NUTM2F: variants seen among roughly 807,000 people sequenced by gnomAD.
NUTM2F encodes family with sequence similarity 22, member F.
A neutral mutation model predicts 43.3 loss-of-function variants in NUTM2F; 22 were observed. That is an observed-to-expected ratio of 0.51 (90% CI 0.36 to 0.73). The LOEUF (loss-of-function observed/expected upper bound fraction) is 0.73, where lower values mean the gene tolerates loss of function less well. NUTM2F is among the 30% of genes least tolerant of loss of function. The pLI is 0.00. For synonymous variants in NUTM2F, 202 were observed against 389.0 expected (o/e 0.52, Z 5.66); for missense variants, 488 against 927.4 (o/e 0.53, Z 6.15).
intron 1 of NUTM2F, 114 bp downstream of exon 1, chr9:94,328,494 G>A: frequency 6.4e-7 from 1 of 1,562,586 alleles, no homozygotes; most frequent in Non-Finnish European, 8.8e-7. Context: ...GACATCCAGT[G>A]CTCCCTCCCT....
At position 94,321,000 on chromosome 9, in the gene NUTM2F, C is replaced by T. The variant is rs1472740987; in HGVS notation, c.982+93G>A. Reference sequence around the variant, plus strand: ...GTCCTGTTGGAGGGAGCAAATCCCCCTCTTGAAGGGAAGCATGGGGTGTGG... The same window carrying T: ...GTCCTGTTGGAGGGAGCAAATCCCCTTCTTGAAGGGAAGCATGGGGTGTGG... On this transcript the variant is annotated intron_variant, in intron 4 of 6. Transcript: ENST00000253262. This position sits in a 1 kb window ranked among gnomAD's most constrained non-coding sequence, Gnocchi z 4.5. The T allele has an allele frequency of 8.0e-5, 118 of 1,483,562 alleles. No homozygotes were observed. The East Asian group carries it at 2.8e-3, about 36-fold the overall frequency. The allele number at this position is 1,483,562 out of a possible 1,614,324, so 91.9% of individuals were successfully genotyped here. A position where few individuals can be genotyped will look rare whatever the true frequency, so the allele number is the denominator to read the frequency against.
At chr9:94,324,926 G>GTGA (rs1246415092) in intron 2 of NUTM2F, among the ~76,000 whole-genome samples, 1 of 145,642 alleles carries the variant, frequency 6.9e-6, no homozygotes, top group East Asian at 2.0e-4. Flanking sequence ...GGCGGAGGTT[G>GTGA]TGATGAGCTG....
In NUTM2F at chr9:94,321,216, C is replaced by A. The variant is rs1831361705; in HGVS notation, c.859G>T (p.Ala287Ser). 2 of 1,579,704 alleles carry A rather than the reference C, an allele frequency of 1.3e-6. No homozygotes were observed. The highest frequency in any genetic ancestry group is 1.1e-5 in the South Asian group (1 of 87,846). ...TTCTGAATCTGCATCTCCTCCTCAG[C>A]CTCAAATTCCAGGAACCTGTGGGTG... ...EMAEKFLEFE[A>S]EEEMQIQKSQ... Residue 287 changes from alanine to serine, a missense_variant, in exon 4 of 7, where the codon GCT becomes TCT. By Grantham distance (99) the Ala-to-Ser change is moderately conservative. Transcript: ENST00000253262.
Position 94,319,560 on chromosome 9 carries a change from C to T in NUTM2F, c.1485+53G>A, listed in dbSNP as rs139219303. 1,776 of 1,610,284 alleles carry T rather than the reference C, an allele frequency of 1.1e-3. 1 individual carries two copies. The highest frequency in any genetic ancestry group is 2.3e-3 in the African/African-American group (173 of 74,908). On this transcript the variant is annotated intron_variant, in intron 6 of 6. Transcript: ENST00000253262. Reference sequence around the variant, plus strand: ...AGACAATCGGGTGGGCCTTGTGTGCCGGGTCCCTCCTGCCCCTGGAGTACC... The same window carrying T: ...AGACAATCGGGTGGGCCTTGTGTGCTGGGTCCCTCCTGCCCCTGGAGTACC...
At chr9:94,323,639 T>C (rs1188455474) in intron 2 of NUTM2F, among the ~76,000 whole-genome samples, 4 of 152,198 alleles carry the variant, frequency 2.6e-5, no homozygotes, top group Admixed American at 1.3e-4. Flanking sequence ...TGTCATGTAA[T>C]GTGTCATAGT....
chr9:94,323,906 C>A (rs141228155), intron 2 of NUTM2F, among the ~76,000 whole-genome samples: 1 of 152,158 alleles, frequency 6.6e-6, no homozygotes. Flanking sequence ...CTCCTCCCCC[C>A]AGCCCCATGT....
intron 1 of NUTM2F, 137 bp from the exon 2 acceptor site, chr9:94,326,071 A>C: frequency 1.3e-6 from 1 of 771,204 alleles, no homozygotes; most frequent in Non-Finnish European, 2.1e-6. Flanking sequence ...CTGAGTGTGC[A>C]TCAGATGCTC....
chr9:94,321,095 G>A lies in NUTM2F; in HGVS notation c.980C>T (p.Pro327Leu). The change falls in exon 4 of 7, where the codon CCA becomes CTA. Residue 327 changes from proline (P) to leucine (L), a missense_variant and splice_region_variant. Transcript: ENST00000253262. Reference protein sequence around the residue: ...GPPAPEVVKQPVYLPSKDGPK... With the variant: ...GPPAPEVVKQLVYLPSKDGPK... ...TGTGGGAATGTGGGAAGCTGTACCT[G>A]GCTGCTTGACCACCTCAGGGGCAGG... 6.5e-7 allele frequency: 1 copy of A among 1,547,216 alleles called. No homozygotes were observed. Among genetic ancestry groups the A allele is most frequent in the Non-Finnish European group, 8.7e-7 (1 of 1,153,720 alleles).
rs908703565 is a variant in NUTM2F, at chr9:94,320,868, A to G, written c.982+225T>C. On this transcript the variant is annotated intron_variant, in intron 4 of 6. Coordinates refer to ENST00000253262, the MANE Select transcript of NUTM2F (RefSeq NM_017561.2). The surrounding 1 kb of genome is among the most constrained non-coding windows in gnomAD (Gnocchi z 4.5). ...TGGAGTTTTGGACAGGCAAGGGGAG[A>G]GAGAAAGTAGGAAACTTGGCCCGGT... is the stretch of plus-strand genomic sequence containing the variant. 2.0e-5 allele frequency among the ~76,000 whole-genome samples: 3 copies of G among 152,072 alleles called. No homozygotes were observed. The highest frequency in any genetic ancestry group is 4.4e-5 in the Non-Finnish European group (3 of 68,006).
chr9:94,320,216 C>T lies in NUTM2F; in HGVS notation c.1360G>A (p.Val454Ile). Residue 454 changes from valine to isoleucine, a missense_variant, in exon 5 of 7, where the codon GTC becomes ATC. Transcript: ENST00000253262. This position sits in a 1 kb window ranked among gnomAD's most constrained non-coding sequence, Gnocchi z 4.5. ...ACTCCAGGCAAGCCCACCTTGGTGA[C>T]AAAGTCTTCCTGGGAACACAGCTTG... ...IDKLCSQEDF[V>I]TKVEAVIHPR... 6.2e-7 allele frequency: 1 copy of T among 1,613,608 alleles called. No individual in the cohort carries two copies. Among genetic ancestry groups the T allele is most frequent in the Non-Finnish European group, 8.5e-7 (1 of 1,179,822 alleles).
chr9:94,324,250 AC>A (rs1435811452), intron 2 of NUTM2F, among the ~76,000 whole-genome samples: 1 of 151,930 alleles, frequency 6.6e-6, no homozygotes, highest in East Asian at 1.9e-4. Flanking sequence ...AGCCTGGGTG[AC>A]AGTGCGAGAC....
intron 1 of NUTM2F, among the ~76,000 whole-genome samples, chr9:94,327,932 G>A (rs1462659590): frequency 1.4e-5 from 2 of 147,380 alleles, no homozygotes; most frequent in East Asian, 2.0e-4. Flanking sequence ...AACAACTCAG[G>A]AAACCCAGGC....
chr9:94,322,456 C>T, intron 2 of NUTM2F, 127 bp from the exon 3 acceptor site: 1 of 1,439,658 alleles, frequency 6.9e-7, no homozygotes, highest in Non-Finnish European at 9.5e-7. Flanking sequence ...TGTTCTCCCC[C>T]ATGTGGGCTC....
At chr9:94,327,212 TCC>T (rs1831462315) in intron 1 of NUTM2F, among the ~76,000 whole-genome samples, 1 of 150,524 alleles carries the variant, frequency 6.6e-6, no homozygotes, top group Non-Finnish European at 1.5e-5. Flanking sequence ...CAAGCACTTC[TCC>T]TGCCTCAGCC....
intron 2 of NUTM2F, among the ~76,000 whole-genome samples, 185 bp from the exon 3 acceptor site, chr9:94,322,514 CT>C (rs2118729951): frequency 6.6e-6 from 1 of 152,372 alleles, no homozygotes; most frequent in South Asian, 2.1e-4. Context: ...ATAGAAGCCA[CT>C]GAGTGGCCTC....
At chr9:94,322,069 G>T in intron 3 of NUTM2F, 132 bp downstream of exon 3, 3 of 1,480,834 alleles carry the variant, frequency 2.0e-6, no homozygotes, top group Non-Finnish European at 9.2e-7. Flanking sequence ...GAGGGAGCCA[G>T]GGGCCCAGGG....
At chr9:94,323,078 G>T (rs536641162) in intron 2 of NUTM2F, among the ~76,000 whole-genome samples, 1 of 152,280 alleles carries the variant, frequency 6.6e-6, no homozygotes, top group Admixed American at 6.5e-5. Flanking sequence ...AGGAGCAGGA[G>T]CACACGTCCA....
chr9:94,328,411 G>A (rs537321515), intron 1 of NUTM2F, among the ~76,000 whole-genome samples, 197 bp downstream of exon 1: 15 of 152,118 alleles, frequency 9.9e-5, no homozygotes, highest in South Asian at 6.2e-4. Flanking sequence ...ATCTTGGTCC[G>A]CCTCTAAGGA....
chr9:94,320,193 T>A lies in NUTM2F; in HGVS notation c.1368+15A>T. ...CCTGGAATCCTACAGACCACAGCACTCCAGGCAAGCCCACCTTGGTGACAA... is the reference window on the plus strand; with the variant it reads ...CCTGGAATCCTACAGACCACAGCACACCAGGCAAGCCCACCTTGGTGACAA... On this transcript the variant is annotated intron_variant, in intron 5 of 6. Transcript: ENST00000253262. The surrounding 1 kb of genome is among the most constrained non-coding windows in gnomAD (Gnocchi z 4.5). The A allele has an allele frequency of 6.2e-7, 1 of 1,610,744 alleles. No homozygotes were observed.
Sources: gnomAD v4.1 joint callset for allele counts (sites outside exome capture counted in the v4.1 genomes callset) on GRCh38, gnomAD v4.1.1 for gene constraint, Gnocchi (gnomAD v3.1) non-coding constraint, MANE v1.5 for transcripts, NCBI Gene and HGNC (gene_info 2026-07-23, HGNC 2026-07-21) for gene names.